Variants in PLS1 observed in about 807,000 individuals in gnomAD.
PLS1 encodes plastin-1.
A neutral mutation model predicts 73.7 loss-of-function variants in PLS1; 32 were observed. The ratio of observed to expected loss-of-function variants is 0.43; its 90% CI spans 0.33 to 0.58. PLS1 has a LOEUF of 0.58. PLS1 is among the 20% of genes least tolerant of loss of function. The pLI is 0.04. For synonymous variants in PLS1, 217 were observed against 261.3 expected, an observed-to-expected ratio of 0.83 and a Z score of 1.63; for missense variants, 633 against 740.5, an observed-to-expected ratio of 0.85 and a Z score of 1.68.
chr3:142,681,154 G>A (rs573180960), intron 6 of PLS1, among the ~76,000 whole-genome samples: 12 of 152,088 alleles, frequency 7.9e-5, no homozygotes, highest in Admixed American at 1.3e-4. Flanking sequence ...TGTGGCTACC[G>A]CAAAATACTT....
Position 142,670,093 on chromosome 3 carries a change from G to GT in PLS1, c.234+541dup, listed in dbSNP as rs1277832695. ...GGTACAGGTCCTGTGAGAGTTTGTG[G>GT]TAGAAGGAATTGAATTTGGAGGCAA... On this transcript the variant is annotated intron_variant, in intron 3 of 15. Coordinates refer to ENST00000457734, the MANE Select transcript of PLS1 (RefSeq NM_001145319.2). 5.3e-5 allele frequency among the ~76,000 whole-genome samples: 8 copies of GT among 152,296 alleles called. No individual in the cohort carries two copies. In the South Asian group the frequency reaches 8.3e-4, roughly 16 times the overall value.
In PLS1 at chr3:142,684,339, T is replaced by G; in HGVS notation, c.832T>G (p.Tyr278Asp). The stretch of plus-strand genomic sequence containing the variant: ...GGAATTACTGCTGCGATGGGTGAAC[T>G]ACCATCTGACCAATGCAGGATGGCA... Reference protein sequence around the residue: ...PEELLLRWVNYHLTNAGWHTI... With the variant: ...PEELLLRWVNDHLTNAGWHTI... Residue 278 changes from tyrosine (Y) to aspartate (D), a missense_variant, in exon 8 of 16, where the codon TAC becomes GAC. By Grantham distance (160) the Tyr-to-Asp change is radical. Transcript: ENST00000457734. The G allele has an allele frequency of 6.2e-7, 1 of 1,613,114 alleles. No individual in the cohort carries two copies. The highest frequency in any genetic ancestry group is 8.5e-7 in the Non-Finnish European group (1 of 1,179,110).
intron 5 of PLS1, among the ~76,000 whole-genome samples, chr3:142,677,807 T>C (rs1300706512): frequency 6.6e-6 from 1 of 152,170 alleles, no homozygotes; most frequent in Non-Finnish European, 1.5e-5. Flanking sequence ...TTATTATTTT[T>C]TGAGATGAGG....
intron 6 of PLS1, among the ~76,000 whole-genome samples, chr3:142,679,591 C>T (rs900813924): frequency 9.5e-4 from 145 of 152,120 alleles, no homozygotes; most frequent in Middle Eastern, 3.4e-3. Context: ...TGTAGATATG[C>T]GGCGTTATTT....
chr3:142,627,295 T>C (rs1361416161), intron 1 of PLS1, among the ~76,000 whole-genome samples: 1 of 152,194 alleles, frequency 6.6e-6, no homozygotes, highest in Non-Finnish European at 1.5e-5. Context: ...TACTGACATA[T>C]GCCTGTTAAC....
rs537967252 is a variant in PLS1 at position 142,674,464 on chromosome 3, A to G, written c.365-1693A>G. 2.0e-5 allele frequency among the ~76,000 whole-genome samples: 3 copies of G among 152,328 alleles called. No homozygotes were observed. The East Asian group carries it at 5.8e-4, about 29-fold the overall frequency. On this transcript the variant is annotated intron_variant, in intron 4 of 15. Coordinates refer to ENST00000457734, the MANE Select transcript of PLS1 (RefSeq NM_001145319.2). ...ACTGGGGCAACAATGGAGAAGGCCA[A>G]ATCATTATGTGCTACCCTCTGATGG...
At chr3:142,657,366 C>A (rs183729980) in intron 1 of PLS1, among the ~76,000 whole-genome samples, 1 of 152,234 alleles carries the variant, frequency 6.6e-6, no homozygotes, top group East Asian at 1.9e-4. Flanking sequence ...CCTAAGTAAG[C>A]CCTCTAGGAG....
chr3:142,703,873 A>G lies in PLS1; in HGVS notation c.1377A>G (p.Glu459=). 6.2e-7 allele frequency: 1 copy of G among 1,607,092 alleles called. No individual in the cohort carries two copies. The highest frequency in any genetic ancestry group is 8.5e-7 in the Non-Finnish European group (1 of 1,173,746). ...AAACTTTTACTTATTTATAGATTGA[A>G]AACTGTAACTATGCAGTGGAACTTG... ...PALGGNMKKI[E]NCNYAVELGK... is the part of the protein sequence containing the mutation. Residue 459 remains glutamate (E), a synonymous_variant, in exon 13 of 16, where the codon GAA becomes GAG. Coordinates refer to ENST00000457734, the MANE Select transcript of PLS1 (RefSeq NM_001145319.2).
At chr3:142,703,211 A>G (rs1432906863) in intron 12 of PLS1, among the ~76,000 whole-genome samples, 1 of 152,040 alleles carries the variant, frequency 6.6e-6, no homozygotes. Flanking sequence ...TATTACTTCT[A>G]TGAAAGGAAA....
At chr3:142,640,177 A>G (rs781205254) in intron 1 of PLS1, among the ~76,000 whole-genome samples, 1 of 152,224 alleles carries the variant, frequency 6.6e-6, no homozygotes, top group African/African-American at 2.4e-5. Context: ...GTTTAAGTGG[A>G]TATAAGCAAA....
rs539701953 is a variant in PLS1 at position 142,639,694 on chromosome 3, C to T, written c.-36-24508C>T. 2.6e-5 allele frequency among the ~76,000 whole-genome samples: 4 copies of T among 152,260 alleles called. No individual in the cohort carries two copies. The South Asian group carries it at 6.2e-4, about 24-fold the overall frequency. The stretch of plus-strand genomic sequence containing the variant: ...ACATCCCCCAACTAGTTTGAAAGCT[C>T]GTGGAATCTCTAGACCAGAAATTAA... On this transcript the variant is annotated intron_variant, in intron 1 of 15. Coordinates refer to ENST00000457734, the MANE Select transcript of PLS1 (RefSeq NM_001145319.2).
chr3:142,684,210 A>C (rs753406294), intron 7 of PLS1, 39 bp downstream of exon 7: 3 of 1,613,784 alleles, frequency 1.9e-6, no homozygotes, highest in Non-Finnish European at 2.5e-6. Flanking sequence ...ATTGACATGT[A>C]CTTGCTATGG....
At chr3:142,602,999 G>T (rs2035955025) in intron 1 of PLS1, among the ~76,000 whole-genome samples, 1 of 152,198 alleles carries the variant, frequency 6.6e-6, no homozygotes, top group Non-Finnish European at 1.5e-5. Flanking sequence ...ACATTCAAAA[G>T]CTTGTCACTT....
At chr3:142,661,200 C>G (rs558046214) in intron 1 of PLS1, among the ~76,000 whole-genome samples, 1 of 152,228 alleles carries the variant, frequency 6.6e-6, no homozygotes, top group South Asian at 2.1e-4. Context: ...ATAAGAATGT[C>G]TGTAAATAGT....
chr3:142,677,871 A>T (rs2037755476), intron 5 of PLS1, among the ~76,000 whole-genome samples, 161 bp from the exon 6 acceptor site: 1 of 152,196 alleles, frequency 6.6e-6, no homozygotes, highest in Admixed American at 6.5e-5. Flanking sequence ...CCTCCCAAGT[A>T]GCTGAGATTA....
At chr3:142,652,579 A>AGGAGGCGGGGGAACCAAGGT (rs2037121685) in intron 1 of PLS1, among the ~76,000 whole-genome samples, 1 of 152,180 alleles carries the variant, frequency 6.6e-6, no homozygotes, top group Non-Finnish European at 1.5e-5. Flanking sequence ...GGCACAGAGT[A>AGGAGGCGGGGGAACCAAGGT]GGAGGCGGGG....
Position 142,689,763 on chromosome 3 carries a change from C to T in PLS1, c.1127C>T (p.Pro376Leu), listed in dbSNP as rs765624421. ...AFVANLFNTY[P>L]CLHKPNNNDI... The stretch of plus-strand genomic sequence containing the variant: ...GTAGCTAATTTGTTTAACACATACC[C>T]GTGCCTGCACAAGCCGAATAATAAT... Residue 376 changes from proline (P) to leucine (L), a missense_variant, in exon 10 of 16, where the codon CCG (proline) becomes CTG (leucine). Transcript: ENST00000457734. The T allele has an allele frequency of 2.6e-5, 41 of 1,606,384 alleles. No homozygotes were observed. The highest frequency in any genetic ancestry group is 4.5e-5 in the South Asian group (4 of 89,536).
At chr3:142,694,853 G>C (rs564234770) in intron 11 of PLS1, among the ~76,000 whole-genome samples, 64 of 152,188 alleles carry the variant, frequency 4.2e-4, no homozygotes, top group African/African-American at 1.4e-3. Context: ...CTGATAAATT[G>C]TTGTTATATC....
At chr3:142,669,001 A>G (rs193298021) in intron 2 of PLS1, among the ~76,000 whole-genome samples, 57 of 152,248 alleles carry the variant, frequency 3.7e-4, no homozygotes, top group Admixed American at 3.5e-3. Context: ...CCCTAAATCT[A>G]TGGGGATAAA....
Sources: allele counts gnomAD v4.1 joint callset (sites outside exome capture counted in the v4.1 genomes callset), GRCh38; gene constraint gnomAD v4.1.1; transcripts MANE v1.5; gene names NCBI Gene and HGNC (gene_info 2026-07-23, HGNC 2026-07-21).